ZNF519: variants seen among roughly 807,000 people sequenced by gnomAD.
ZNF519 encodes the protein zinc finger protein 519, also known as similar to Zinc finger protein 85 (Zinc finger protein HPF4) (HTF1).
ZNF519 carries 7 observed loss-of-function variants against 7.4 expected under a neutral mutation model. That is an observed-to-expected ratio of 0.94 (90% CI 0.54 to 1.77). ZNF519 has a LOEUF of 1.77. ZNF519 is among the 40% of genes most tolerant of loss of function. The probability of loss-of-function intolerance (pLI) is 0.00; values close to 1 mark genes in which losing one functional copy is unlikely to be tolerated. For missense variants in ZNF519, 586 were observed against 623.1 expected, an observed-to-expected ratio of 0.94 and a Z score of 0.63; for synonymous variants, 179 against 203.3, an observed-to-expected ratio of 0.88 and a Z score of 1.02.
intron 2 of ZNF519, among the ~76,000 whole-genome samples, chr18:14,113,025 T>C (rs2046229548): frequency 6.6e-6 from 1 of 152,182 alleles, no homozygotes; most frequent in Non-Finnish European, 1.5e-5. Context: ...TGACCTCCAG[T>C]TCCATCCATG....
intron 3 of ZNF519, among the ~76,000 whole-genome samples, chr18:14,081,167 G>C (rs967703078): frequency 6.6e-6 from 1 of 152,168 alleles, no homozygotes; most frequent in Non-Finnish European, 1.5e-5. Context: ...GACTTTGGGT[G>C]ATAATGTATC....
At chr18:14,082,573 T>A (rs1256734255) in intron 3 of ZNF519, 2 of 152,154 alleles carry the variant, frequency 1.3e-5, no homozygotes, top group African/African-American at 2.4e-5. Flanking sequence ...AGTCTCAAAC[T>A]GTGTCATTAT....
chr18:14,091,769 T>G (rs2046115627), intron 2 of ZNF519, among the ~76,000 whole-genome samples: 2 of 151,940 alleles, frequency 1.3e-5, no homozygotes, highest in East Asian at 3.9e-4. Context: ...GGGGCAATAT[T>G]GGTAGAAGAG....
At chr18:14,122,029 T>A (rs557917695) in intron 2 of ZNF519, 4 of 152,322 alleles carry the variant, frequency 2.6e-5, no homozygotes, top group Non-Finnish European at 4.4e-5. Context: ...GAAAACTGCA[T>A]GAACCTTTTT....
chr18:14,097,859 T>G (rs1434785132), downstream of ZNF519, among the ~76,000 whole-genome samples: 1 of 152,190 alleles, frequency 6.6e-6, no homozygotes, highest in African/African-American at 2.4e-5. Flanking sequence ...ATATTAATAC[T>G]CTAACAAATG....
At position 14,078,035 on chromosome 18, in the gene ZNF519, C is replaced by T. The variant is rs548026750; in HGVS notation, c.*276+165G>A. On this transcript the variant is annotated intron_variant and NMD_transcript_variant, in intron 4 of 4. Transcript: ENST00000587419. ...AGATGGTTTCGGGATAAAACTGTTCCACCTCAGATGATCAGGCATTACAGT... is the reference window on the plus strand; with the variant it reads ...AGATGGTTTCGGGATAAAACTGTTCTACCTCAGATGATCAGGCATTACAGT... 4.6e-5 allele frequency among the ~76,000 whole-genome samples: 7 copies of T among 152,232 alleles called. No homozygotes were observed. In the East Asian group the frequency reaches 1.4e-3, roughly 29 times the overall value.
At chr18:14,097,322 T>C (rs181229383), downstream of ZNF519, among the ~76,000 whole-genome samples, 2 of 152,346 alleles carry the variant, frequency 1.3e-5, no homozygotes, top group East Asian at 1.9e-4. Flanking sequence ...CAGCCCTATA[T>C]AAGCACAATG....
At chr18:14,131,301 T>C (rs1380525927) in intron 1 of ZNF519, among the ~76,000 whole-genome samples, 1 of 152,234 alleles carries the variant, frequency 6.6e-6, no homozygotes, top group East Asian at 1.9e-4. Context: ...CAAATTGCCA[T>C]CCACTGCTCT....
chr18:14,089,202 C>G (rs115752847), intron 2 of ZNF519, among the ~76,000 whole-genome samples: 1 of 152,088 alleles, frequency 6.6e-6, no homozygotes, highest in East Asian at 1.9e-4. Flanking sequence ...AAATGAAAGT[C>G]ATTTTATTCA....
At chr18:14,114,429 G>A (rs1035222746) in intron 2 of ZNF519, among the ~76,000 whole-genome samples, 14 of 152,166 alleles carry the variant, frequency 9.2e-5, no homozygotes, top group East Asian at 1.9e-4. Context: ...AACCTTTGTC[G>A]AAAATAGGTT....
chr18:14,116,238 T>C lies in ZNF519; in HGVS notation c.130+8112A>G, dbSNP rs1048386678. On this transcript the variant is annotated intron_variant, in intron 2 of 2. Transcript: ENST00000590202. Reference sequence around the variant, plus strand: ...GAGATTTAATATTGTTAAATGACAATAGTATCCCCAGTGATATTCAAATTC... The same window carrying C: ...GAGATTTAATATTGTTAAATGACAACAGTATCCCCAGTGATATTCAAATTC... 3.3e-5 allele frequency among the ~76,000 whole-genome samples: 5 copies of C among 152,184 alleles called. No individual in the cohort carries two copies. The East Asian group carries it at 7.7e-4, about 23-fold the overall frequency.
chr18:14,115,516 A>C (rs1313940456), intron 2 of ZNF519, among the ~76,000 whole-genome samples: 1 of 152,248 alleles, frequency 6.6e-6, no homozygotes, highest in Non-Finnish European at 1.5e-5. Context: ...TATATTAATC[A>C]AAATAGTTTA....
chr18:14,084,389 AC>A (rs2046081807), intron 3 of ZNF519: 1 of 152,208 alleles, frequency 6.6e-6, no homozygotes, highest in African/African-American at 2.4e-5. Context: ...AGGTGGTCCT[AC>A]GCTGTCCACT....
At chr18:14,108,696 C>G (rs1461000846) in intron 2 of ZNF519, among the ~76,000 whole-genome samples, 3 of 151,520 alleles carry the variant, frequency 2.0e-5, no homozygotes, top group Admixed American at 2.0e-4. Context: ...TTAAAAAATT[C>G]CATGTGAATG....
intron 2 of ZNF519, among the ~76,000 whole-genome samples, chr18:14,120,322 T>C (rs2046264583): frequency 6.6e-6 from 1 of 152,064 alleles, no homozygotes; most frequent in South Asian, 2.1e-4. Context: ...CAATACACGG[T>C]GCCAGAAAAA....
chr18:14,106,499 GAAC>G (rs2046193645), intron 2 of ZNF519, 90 bp from the exon 3 acceptor site: 1 of 1,148,538 alleles, frequency 8.7e-7, no homozygotes, highest in African/African-American at 1.6e-5. Flanking sequence ...GCCAAGCTGA[GAAC>G]ATCAGCACAA....
intron 3 of ZNF519, chr18:14,080,072 T>C (rs996776212): frequency 6.6e-6 from 1 of 151,984 alleles, no homozygotes; most frequent in Non-Finnish European, 1.5e-5. Context: ...CCAAAGACTT[T>C]AGCCAACACC....
rs543428004 is a variant in ZNF519, at chr18:14,104,776, T to C, written c.*141A>G. On this transcript the variant is annotated 3_prime_UTR_variant, in exon 3 of 3. Transcript: ENST00000590202. ...TTAGTTCTTTCTAAAGTGACACTTCTAATTTTTATTTAATCTTCATTTTGA... is the reference window on the plus strand; with the variant it reads ...TTAGTTCTTTCTAAAGTGACACTTCCAATTTTTATTTAATCTTCATTTTGA... 1.8e-4 allele frequency: 175 copies of C among 969,818 alleles called. No individual in the cohort carries two copies. The African/African-American group carries it at 2.7e-3, about 15-fold the overall frequency. The allele number at this position is 969,818 out of a possible 1,614,324, so 60.1% of individuals were successfully genotyped here. A position where few individuals can be genotyped will look rare whatever the true frequency, so the allele number is the denominator to read the frequency against.
intron 2 of ZNF519, among the ~76,000 whole-genome samples, chr18:14,113,242 G>A (rs1442640985): frequency 3.3e-5 from 5 of 152,126 alleles, no homozygotes; most frequent in Non-Finnish European, 5.9e-5. Context: ...GCTGGGAACC[G>A]CTTAGGGCAA....
Sources: gnomAD v4.1 joint callset for allele counts (sites outside exome capture counted in the v4.1 genomes callset) on GRCh38, gnomAD v4.1.1 for gene constraint, MANE v1.5 for transcripts, NCBI Gene and HGNC (gene_info 2026-07-23, HGNC 2026-07-21) for gene names.